Variants in MYO5B observed in about 807,000 individuals in gnomAD.
MYO5B encodes the protein unconventional myosin-Vb.
Under a neutral mutation model 229.3 loss-of-function variants are expected in MYO5B, and 143 were observed. The ratio of observed to expected loss-of-function variants is 0.62; its 90% CI spans 0.54 to 0.72. The LOEUF (loss-of-function observed/expected upper bound fraction) is 0.72, where lower values mean the gene tolerates loss of function less well. MYO5B is among the 30% of genes least tolerant of loss of function. The pLI, the probability that MYO5B is intolerant of heterozygous loss-of-function variation, is 0.00. For synonymous variants in MYO5B, 918 were observed against 885.2 expected (o/e 1.04, Z -0.66); for missense variants, 2,321 against 2,331.0 (o/e 1.00, Z 0.09).
At chr18:49,941,956 C>T (rs1217112786) in intron 14 of MYO5B, among the ~76,000 whole-genome samples, 1 of 116,210 alleles carries the variant, frequency 8.6e-6, no homozygotes, top group African/African-American at 3.5e-5. Context: ...ACCAAAACAG[C>T]ATGGTACTGG....
At chr18:49,918,683 T>A (rs930657943) in intron 17 of MYO5B, among the ~76,000 whole-genome samples, 4 of 152,312 alleles carry the variant, frequency 2.6e-5, no homozygotes, top group African/African-American at 9.6e-5. Context: ...CAGCAATTTG[T>A]GGGGCAGAAT....
In MYO5B at chr18:49,906,439, G is replaced by C. The variant is rs764140831; in HGVS notation, c.2394C>G (p.Cys798Trp). Residue 798 changes from cysteine to tryptophan, a missense_variant, in exon 19 of 40, where the codon TGC becomes TGG. Coordinates refer to ENST00000285039, the MANE Select transcript of MYO5B (RefSeq NM_001080467.3). ...KGATLTLQRY[C>W]RGHLARRLAE... Reference sequence around the variant, plus strand: ...CTCACCTGCGGGCCAGGTGTCCCCGGCAGTACCTCTGCAGGGTTAAGGTAG... The same window carrying C: ...CTCACCTGCGGGCCAGGTGTCCCCGCCAGTACCTCTGCAGGGTTAAGGTAG... 9.9e-6 allele frequency: 16 copies of C among 1,614,106 alleles called. No homozygotes were observed. The South Asian group carries it at 1.3e-4, about 13-fold the overall frequency.
chr18:50,023,744 G>T (rs968650520), intron 4 of MYO5B, among the ~76,000 whole-genome samples: 2 of 152,126 alleles, frequency 1.3e-5, no homozygotes, highest in African/African-American at 4.8e-5. Context: ...CAGGCCCTGG[G>T]GCTGTGGTAG....
intron 4 of MYO5B, among the ~76,000 whole-genome samples, chr18:50,003,866 G>A (rs774477945): frequency 7.9e-5 from 12 of 152,152 alleles, no homozygotes; most frequent in Non-Finnish European, 1.5e-4. Context: ...AGGATCCAGG[G>A]GAAGCAACAC....
In MYO5B at chr18:50,146,936, C is replaced by T. The variant is rs530628690; in HGVS notation, c.27+47831G>A. 2.6e-5 allele frequency among the ~76,000 whole-genome samples: 4 copies of T among 152,240 alleles called. No individual in the cohort carries two copies. In the South Asian group the frequency reaches 8.3e-4, roughly 32 times the overall value. ...TCGTATAATTCTGTACTCCCTGTCC[C>T]CCTCAGAGTATTTTTCACTGCCCTC... On this transcript the variant is annotated intron_variant, in intron 1 of 39. Coordinates refer to ENST00000285039, the MANE Select transcript of MYO5B (RefSeq NM_001080467.3).
chr18:49,952,542 G>A (rs7229075), intron 14 of MYO5B, among the ~76,000 whole-genome samples: 14,146 of 152,226 alleles, frequency 0.093, 787 homozygotes, highest in Middle Eastern at 0.21. Context: ...CAACCAGAGT[G>A]CAGACTCTGT....
intron 2 of MYO5B, among the ~76,000 whole-genome samples, chr18:50,052,762 T>G (rs761370326): frequency 9.2e-5 from 14 of 151,398 alleles, no homozygotes; most frequent in Non-Finnish European, 1.8e-4. Flanking sequence ...CCACAATAGA[T>G]ATGAATGAAT....
chr18:50,091,211 G>A (rs1440826603), intron 1 of MYO5B, among the ~76,000 whole-genome samples: 1 of 152,168 alleles, frequency 6.6e-6, no homozygotes, highest in Non-Finnish European at 1.5e-5. Context: ...AGACGCACTG[G>A]AAGTTTATAA....
chr18:50,160,332 C>T (rs200130672), intron 1 of MYO5B, among the ~76,000 whole-genome samples: 1 of 152,324 alleles, frequency 6.6e-6, no homozygotes, highest in East Asian at 1.9e-4. Context: ...GCTGGAGGAT[C>T]TCAGTATTGA....
rs144202194 is a variant in MYO5B at position 50,159,379 on chromosome 18, T to G, written c.27+35388A>C. 3.9e-3 allele frequency among the ~76,000 whole-genome samples: 599 copies of G among 152,314 alleles called. 3 individuals are homozygous for G. Among genetic ancestry groups the G allele is most frequent in the African/African-American group, 0.013 (530 of 41,564 alleles). On this transcript the variant is annotated intron_variant, in intron 1 of 39. Coordinates refer to ENST00000285039, the MANE Select transcript of MYO5B (RefSeq NM_001080467.3). ...TCTCAGATACCAATCCCCTGGCATGTTCAAGGAGCTTTCACATGTTTATTA... is the reference window on the plus strand; with the variant it reads ...TCTCAGATACCAATCCCCTGGCATGGTCAAGGAGCTTTCACATGTTTATTA...
chr18:50,037,583 T>C (rs754387175), intron 3 of MYO5B, among the ~76,000 whole-genome samples: 4 of 152,140 alleles, frequency 2.6e-5, no homozygotes, highest in Non-Finnish European at 4.4e-5. Flanking sequence ...ATCTGGGACA[T>C]CCTAAGGAAA....
chr18:49,914,157 CACACTGTG>C (rs948810342), intron 17 of MYO5B, among the ~76,000 whole-genome samples: 1 of 152,300 alleles, frequency 6.6e-6, no homozygotes, highest in African/African-American at 2.4e-5. Flanking sequence ...GAGCTAAAAC[CACACTGTG>C]ACACTGGGGC....
chr18:50,078,849 A>C (rs181952223), intron 1 of MYO5B, among the ~76,000 whole-genome samples: 1 of 152,338 alleles, frequency 6.6e-6, no homozygotes, highest in African/African-American at 2.4e-5. Flanking sequence ...CCCAATGTTC[A>C]TTAACAGTAG....
chr18:49,900,469 C>A (rs2024829021), intron 21 of MYO5B, among the ~76,000 whole-genome samples: 1 of 152,186 alleles, frequency 6.6e-6, no homozygotes, highest in South Asian at 2.1e-4. Context: ...AGAGAAACAC[C>A]CAGTGACAGT....
At chr18:49,896,434 T>C (rs910200398) in intron 21 of MYO5B, among the ~76,000 whole-genome samples, 2 of 152,132 alleles carry the variant, frequency 1.3e-5, no homozygotes, top group Admixed American at 1.3e-4. Flanking sequence ...TCCACTCCAG[T>C]CTGGGTCTCC....
intron 4 of MYO5B, among the ~76,000 whole-genome samples, chr18:50,025,153 C>T (rs575694629): frequency 6.6e-6 from 1 of 152,270 alleles, no homozygotes; most frequent in East Asian, 1.9e-4. Flanking sequence ...AAAACATTTT[C>T]CATTTAAGAT....
chr18:50,078,929 C>A (rs949944172), intron 1 of MYO5B, among the ~76,000 whole-genome samples: 2 of 152,210 alleles, frequency 1.3e-5, no homozygotes, highest in African/African-American at 4.8e-5. Flanking sequence ...AAGAAGCCAC[C>A]ACTACATGTG....
At chr18:50,036,798 C>G (rs2026452873) in intron 4 of MYO5B, 52 bp downstream of exon 4, 1 of 1,609,496 alleles carries the variant, frequency 6.2e-7, no homozygotes, top group Non-Finnish European at 8.5e-7. Flanking sequence ...AAAAACTCCC[C>G]TTCCTGCCCA....
rs767095432 is a variant in MYO5B at position 49,906,555 on chromosome 18, G to T, written c.2278C>A (p.Arg760=). 6.2e-6 allele frequency: 10 copies of T among 1,614,026 alleles called. No homozygotes were observed. The Admixed American group carries it at 1.5e-4, about 24-fold the overall frequency. Residue 760 remains arginine (R), a synonymous_variant, in exon 19 of 40, where the codon CGG becomes AGG. Coordinates refer to ENST00000285039, the MANE Select transcript of MYO5B (RefSeq NM_001080467.3). Reference sequence around the variant, plus strand: ...GTGGCTGTCCGGAACTTGTCAGCCCGCAGCTTCTCCAGGTAGGCCACCTGG... The same window carrying T: ...GTGGCTGTCCGGAACTTGTCAGCCCTCAGCTTCTCCAGGTAGGCCACCTGG... ...AGQVAYLEKL[R]ADKFRTATIM... is the part of the protein sequence containing the mutation.
Sources: gnomAD v4.1 joint callset for allele counts (sites outside exome capture counted in the v4.1 genomes callset) on GRCh38, gnomAD v4.1.1 for gene constraint, MANE v1.5 for transcripts, NCBI Gene and HGNC (gene_info 2026-07-23, HGNC 2026-07-21) for gene names.